Variants in PTPRK observed in about 807,000 individuals in gnomAD.
The protein encoded by PTPRK is receptor-type tyrosine-protein phosphatase kappa.
A neutral mutation model predicts 178.0 loss-of-function variants in PTPRK; 75 were observed. The observed-to-expected ratio is 0.42, with a 90% CI of 0.35 to 0.51. The LOEUF (loss-of-function observed/expected upper bound fraction) is 0.51. Among genes scored for constraint, PTPRK ranks in the 20% least tolerant of loss-of-function variants. The pLI, the probability that PTPRK is intolerant of heterozygous loss-of-function variation, is 0.02. For synonymous variants in PTPRK, 637 were observed against 620.6 expected (o/e 1.03, Z -0.39); for missense variants, 1,441 against 1,797.8 (o/e 0.80, Z 3.59).
chr6:127,970,117 C>T lies in PTPRK; in HGVS notation c.*110G>A. ...TTTTACCTCTCAAATGTAAAAGTCT[C>T]CCACCCCCCACATTAAAATCTTTCT... On this transcript the variant is annotated 3_prime_UTR_variant, in exon 30 of 30. Coordinates refer to ENST00000368226, the MANE Select transcript of PTPRK (RefSeq NM_002844.4). 4.0e-6 allele frequency: 3 copies of T among 753,804 alleles called. No individual in the cohort carries two copies. The highest frequency in any genetic ancestry group is 6.3e-6 in the Non-Finnish European group (3 of 475,658). The allele number at this position is 753,804 out of a possible 1,614,324, so 46.7% of individuals were successfully genotyped here.
chr6:128,157,554 GTTTA>G (rs1583262532), intron 7 of PTPRK, among the ~76,000 whole-genome samples: 3 of 151,850 alleles, frequency 2.0e-5, no homozygotes, highest in Non-Finnish European at 4.4e-5. Flanking sequence ...AAATTTCTAA[GTTTA>G]TTTCTTTTCC....
At chr6:128,116,611 A>G (rs776351224) in intron 7 of PTPRK, among the ~76,000 whole-genome samples, 3 of 152,248 alleles carry the variant, frequency 2.0e-5, no homozygotes, top group Admixed American at 2.0e-4. Flanking sequence ...CCACATCCCT[A>G]TACCTATATC....
chr6:128,000,170 G>T, intron 15 of PTPRK: 1 of 958,252 alleles, frequency 1.0e-6, no homozygotes, highest in Non-Finnish European at 1.2e-6. Flanking sequence ...ACTCTTAGGG[G>T]AACTTTTTTT....
At chr6:128,491,499 G>A (rs1318259363) in intron 1 of PTPRK, among the ~76,000 whole-genome samples, 1 of 152,196 alleles carries the variant, frequency 6.6e-6, no homozygotes, top group African/African-American at 2.4e-5. Flanking sequence ...TTATGAGGAA[G>A]CAGACAAAAG....
At chr6:127,977,108 G>A in intron 25 of PTPRK, 54 bp from the exon 26 acceptor site, 4 of 1,562,690 alleles carry the variant, frequency 2.6e-6, no homozygotes, top group Non-Finnish European at 3.5e-6. Flanking sequence ...TGTATGATCG[G>A]TTGTACAAAC....
intron 13 of PTPRK, among the ~76,000 whole-genome samples, chr6:128,057,046 C>A (rs925305485): frequency 2.0e-5 from 3 of 152,122 alleles, no homozygotes; most frequent in Non-Finnish European, 4.4e-5. Flanking sequence ...GAGATACAGG[C>A]TATGGGTGAC....
intron 5 of PTPRK, chr6:128,235,272 T>C (rs1583615462): frequency 1.3e-5 from 2 of 152,070 alleles, no homozygotes; most frequent in Non-Finnish European, 2.9e-5. Flanking sequence ...ATACTGAAAA[T>C]AAATAATTCA....
intron 2 of PTPRK, among the ~76,000 whole-genome samples, chr6:128,338,259 T>C (rs1034506433): frequency 6.6e-6 from 1 of 152,088 alleles, no homozygotes; most frequent in Non-Finnish European, 1.5e-5. Context: ...TTTTTAATTA[T>C]AGTAATAGAT....
chr6:128,442,972 CAT>C (rs539294078), intron 1 of PTPRK, among the ~76,000 whole-genome samples: 95 of 152,088 alleles, frequency 6.2e-4, no homozygotes, highest in African/African-American at 1.7e-3. Context: ...GAAGCGCAAA[CAT>C]ATGTGTACTT....
chr6:128,429,852 A>G (rs1428659731), intron 1 of PTPRK, among the ~76,000 whole-genome samples: 1 of 152,226 alleles, frequency 6.6e-6, no homozygotes, highest in Non-Finnish European at 1.5e-5. Context: ...GACAGAGAAC[A>G]TCAACCATAA....
intron 2 of PTPRK, among the ~76,000 whole-genome samples, chr6:128,348,571 T>A (rs1362025784): frequency 1.3e-5 from 2 of 151,966 alleles, no homozygotes; most frequent in African/African-American, 4.8e-5. Flanking sequence ...AGAATGACAA[T>A]CCGTTTCCTT....
intron 13 of PTPRK, among the ~76,000 whole-genome samples, chr6:128,032,878 G>A (rs1015351616): frequency 6.6e-6 from 1 of 152,066 alleles, no homozygotes; most frequent in African/African-American, 2.4e-5. Flanking sequence ...AGCACCCTCA[G>A]GACAATATTG....
intron 2 of PTPRK, among the ~76,000 whole-genome samples, chr6:128,385,308 C>G (rs1169813336): frequency 6.6e-6 from 1 of 151,976 alleles, no homozygotes; most frequent in African/African-American, 2.4e-5. Context: ...CAGGGATTCA[C>G]TTCCTTGCCT....
chr6:128,385,783 G>A (rs775733727), intron 2 of PTPRK, among the ~76,000 whole-genome samples: 3 of 152,112 alleles, frequency 2.0e-5, no homozygotes, highest in Non-Finnish European at 4.4e-5. Context: ...TCAAAGATCA[G>A]GTACATCTAA....
chr6:128,110,358 G>A (rs1790446024), intron 7 of PTPRK, among the ~76,000 whole-genome samples: 1 of 152,146 alleles, frequency 6.6e-6, no homozygotes, highest in South Asian at 2.1e-4. Flanking sequence ...TCAAGGTAGA[G>A]GAGCCATACA....
At position 128,385,085 on chromosome 6, in the gene PTPRK, T is replaced by C. The variant is rs1405276387; in HGVS notation, c.223+12481A>G. 2.0e-5 allele frequency among the ~76,000 whole-genome samples: 3 copies of C among 148,006 alleles called. No individual in the cohort carries two copies. In the Admixed American group the frequency reaches 2.0e-4, roughly 10 times the overall value. The stretch of plus-strand genomic sequence containing the variant: ...TATCAAAATTACTATATTAATATAA[T>C]TAATATTATAAATATTAATATTAAT... On this transcript the variant is annotated intron_variant, in intron 2 of 29. Transcript: ENST00000368226.
chr6:128,320,278 G>T (rs547441020), intron 3 of PTPRK, among the ~76,000 whole-genome samples: 133 of 152,224 alleles, frequency 8.7e-4, no homozygotes, highest in African/African-American at 3.0e-3. Flanking sequence ...ACAGTAATCT[G>T]TGCCATGAGA....
chr6:127,999,043 G>T, intron 15 of PTPRK, 139 bp from the exon 16 acceptor site: 1 of 707,944 alleles, frequency 1.4e-6, no homozygotes, highest in Non-Finnish European at 2.2e-6. Flanking sequence ...ATATCATACA[G>T]TATAGGCCTA....
chr6:128,163,649 T>A (rs563401596), intron 7 of PTPRK, among the ~76,000 whole-genome samples: 2 of 151,552 alleles, frequency 1.3e-5, no homozygotes, highest in South Asian at 4.1e-4. Context: ...GAGAATAAGG[T>A]TAAAAAATGC....
Sources: allele counts gnomAD v4.1 joint callset (sites outside exome capture counted in the v4.1 genomes callset), GRCh38; gene constraint gnomAD v4.1.1; transcripts MANE v1.5; gene names NCBI Gene and HGNC (gene_info 2026-07-23, HGNC 2026-07-21).